ARMCX4: variants seen among roughly 807,000 people sequenced by gnomAD.
The protein encoded by ARMCX4 is armadillo repeat-containing X-linked protein 4.
A neutral mutation model predicts 34.7 loss-of-function variants in ARMCX4; 3 were observed. The observed-to-expected ratio is 0.09, with a 90% confidence interval of 0.04 to 0.22. The LOEUF is 0.22. Ranked by LOEUF, ARMCX4 falls within the 10% of genes least tolerant of loss-of-function variation. The pLI is 1.00. For synonymous variants in ARMCX4, 513 were observed against 632.8 expected, an observed-to-expected ratio of 0.81 and a Z score of 2.84; for missense variants, 1,448 against 1,720.8, an observed-to-expected ratio of 0.84 and a Z score of 2.81.
chrX:101,439,510 T>C (rs1244583284), intron 2 of ARMCX4, among the ~76,000 whole-genome samples: 1 of 111,766 alleles, frequency 8.9e-6, no homozygotes, highest in East Asian at 2.8e-4. Context: ...TTTCCTGAAT[T>C]TGAATGTTGG....
chrX:101,515,398 C>CTT (rs1556017499), intron 11 of ARMCX4, among the ~76,000 whole-genome samples: 1 of 1,149 alleles, frequency 8.7e-4, no homozygotes, highest in Non-Finnish European at 1.2e-3. Context: ...TCTTTCCCTC[C>CTT]CTCCCTCCCT....
intron 7 of ARMCX4, among the ~76,000 whole-genome samples, chrX:101,502,286 G>C (rs1374993684): frequency 2.7e-5 from 3 of 112,060 alleles, no homozygotes; most frequent in Non-Finnish European, 3.8e-5. Context: ...CTGTCACCCA[G>C]GCTGGAGTGC....
chrX:101,465,084 G>T (rs1191453814), intron 4 of ARMCX4, among the ~76,000 whole-genome samples: 2 of 111,438 alleles, frequency 1.8e-5, no homozygotes, highest in East Asian at 5.6e-4. Context: ...AAACCATTAT[G>T]CATTTCAAAA....
At chrX:101,526,861 A>G (rs1934987437) in intron 11 of ARMCX4, among the ~76,000 whole-genome samples, 1 of 111,668 alleles carries the variant, frequency 9.0e-6, no homozygotes, top group Admixed American at 9.5e-5. Flanking sequence ...AAAGAGACTT[A>G]GACTCACACA....
chrX:101,428,177 C>T (rs1248241130), intron 2 of ARMCX4, among the ~76,000 whole-genome samples: 2 of 111,941 alleles, frequency 1.8e-5, no homozygotes, highest in Non-Finnish European at 3.8e-5. Context: ...TATATCCATA[C>T]AAGGGAATAC....
At chrX:101,457,965 C>A (rs1280203456) in intron 4 of ARMCX4, among the ~76,000 whole-genome samples, 5 of 110,445 alleles carry the variant, frequency 4.5e-5, no homozygotes, top group Admixed American at 1.9e-4. Flanking sequence ...TGGTATCGAA[C>A]TCCTGACCTC....
chrX:101,491,661 A>G lies in ARMCX4; in HGVS notation c.3072A>G (p.Thr1024=). The G allele has an allele frequency of 3.5e-6, 4 of 1,155,716 alleles. No individual in the cohort carries two copies. The South Asian group carries it at 7.6e-5, about 22-fold the overall frequency. ...CTAAAGCAGGGACTGGGGCAGGCAC[A>G]AGGCACTCTGCCCAGCCTCAGATTG... The part of the protein sequence containing the change: ...AVPKAGTGAG[T]RHSAQPQIVA... Residue 1024 remains threonine, a synonymous_variant, in exon 6 of 6, where the codon ACA becomes ACG. Transcript: ENST00000423738.
In ARMCX4 at chrX:101,491,341, C is replaced by T. The variant is rs1028411484; in HGVS notation, c.2752C>T (p.Arg918Cys). 45 of 1,149,564 alleles carry T rather than the reference C, an allele frequency of 3.9e-5. No individual in the cohort carries two copies. Among genetic ancestry groups the T allele is most frequent in the African/African-American group, 7.4e-5 (4 of 54,121 alleles). 94.7% of individuals were successfully genotyped at this position (1,149,564 alleles called of 1,213,427 possible). Residue 918 changes from arginine to cysteine, a missense_variant, in exon 6 of 6, where the codon CGT (arginine) becomes TGT (cysteine). Coordinates refer to ENST00000423738, the MANE Select transcript of ARMCX4 (RefSeq NM_001256155.3). ...AQPQVVANSQ[R>C]ETLPGARNKV... ...GCCTCAGGTTGTGGCCAACTCCCAG[C>T]GTGAGACCTTGCCTGGTGCCAGGAA...
chrX:101,496,683 G>A (rs1397468139), downstream of ARMCX4, among the ~76,000 whole-genome samples: 13 of 111,253 alleles, frequency 1.2e-4, no homozygotes, highest in Non-Finnish European at 2.5e-4. Context: ...GTTAAGGTGG[G>A]GCCTTTATGG....
At chrX:101,433,948 T>A (rs1408854785) in intron 2 of ARMCX4, among the ~76,000 whole-genome samples, 1 of 100,092 alleles carries the variant, frequency 1.0e-5, no homozygotes, top group African/African-American at 3.5e-5. Flanking sequence ...GGTTATCCAC[T>A]TTTTTTTTTT....
In ARMCX4 at chrX:101,454,306, C is replaced by G. The variant is rs187987497; in HGVS notation, c.-473+8262C>G. 3.4e-3 allele frequency among the ~76,000 whole-genome samples: 362 copies of G among 105,384 alleles called. 1 individual carries two copies. Among genetic ancestry groups the G allele is most frequent in the African/African-American group, 0.012 (349 of 28,687 alleles). 91.5% of individuals were successfully genotyped at this position (105,384 alleles called of 115,157 possible). Reference sequence around the variant, plus strand: ...TTTATTTTTTTTTGAGATGGAGTCTCGCTCTGTCGCCCAGGCTGGAGTGCA... The same window carrying G: ...TTTATTTTTTTTTGAGATGGAGTCTGGCTCTGTCGCCCAGGCTGGAGTGCA... On this transcript the variant is annotated intron_variant and NMD_transcript_variant, in intron 4 of 15. Coordinates refer to the ARMCX4 transcript ENST00000433011.
At chrX:101,443,053 C>T (rs1419449219) in intron 2 of ARMCX4, among the ~76,000 whole-genome samples, 1 of 106,769 alleles carries the variant, frequency 9.4e-6, no homozygotes, top group Non-Finnish European at 1.9e-5. Context: ...ATGGCATGAA[C>T]CCAGGAGGCA....
chrX:101,468,440 C>T (rs1377911308), intron 4 of ARMCX4, among the ~76,000 whole-genome samples: 5 of 105,758 alleles, frequency 4.7e-5, no homozygotes, highest in African/African-American at 6.9e-5. Context: ...TATAGGCACG[C>T]GCCACCATGC....
At chrX:101,419,313 T>C (rs1488121889) in intron 2 of ARMCX4, 2 of 111,185 alleles carry the variant, frequency 1.8e-5, no homozygotes, top group African/African-American at 6.5e-5. Flanking sequence ...GAACTGGGAG[T>C]GGCTGCAAAT....
chrX:101,457,742 C>T (rs1932371669), intron 4 of ARMCX4, among the ~76,000 whole-genome samples: 1 of 110,061 alleles, frequency 9.1e-6, no homozygotes, highest in African/African-American at 3.3e-5. Flanking sequence ...AAACAAAACC[C>T]CCCAAACCCC....
chrX:101,465,576 G>A (rs782219151), intron 4 of ARMCX4, among the ~76,000 whole-genome samples: 11 of 111,934 alleles, frequency 9.8e-5, no homozygotes, highest in African/African-American at 3.6e-4. Context: ...GGTTACATGC[G>A]GCAGTAGTTT....
chrX:101,530,259 T>A (rs1380486660), intron 11 of ARMCX4, among the ~76,000 whole-genome samples: 2 of 111,559 alleles, frequency 1.8e-5, no homozygotes, highest in African/African-American at 6.5e-5. Context: ...CCACATGTTC[T>A]CACTCATAGG....
Position 101,488,505 on chromosome X carries a change from C to G in ARMCX4, c.-85C>G, listed in dbSNP as rs1479303296. Reference sequence around the variant, plus strand: ...GGCTGAAGACCAGCACCCTCACAGGCCTACACCCACAACTACCACTCTCTT... The same window carrying G: ...GGCTGAAGACCAGCACCCTCACAGGGCTACACCCACAACTACCACTCTCTT... On this transcript the variant is annotated 5_prime_UTR_variant, in exon 6 of 6. Transcript: ENST00000423738. The G allele has an allele frequency of 8.7e-7, 1 of 1,149,295 alleles. No homozygotes were observed. The highest frequency in any genetic ancestry group is 2.6e-5 in the Admixed American group (1 of 38,500). 94.7% of individuals were successfully genotyped at this position (1,149,295 alleles called of 1,213,427 possible).
downstream of ARMCX4, among the ~76,000 whole-genome samples, chrX:101,448,423 A>C (rs189299792): frequency 1.8e-4 from 20 of 111,940 alleles, no homozygotes; most frequent in Non-Finnish European, 1.7e-4. Flanking sequence ...TCTCCAAACT[A>C]TTCTCCATAG....
Sources: gnomAD v4.1 joint callset for allele counts (sites outside exome capture counted in the v4.1 genomes callset) on GRCh38, gnomAD v4.1.1 for gene constraint, MANE v1.5 for transcripts, NCBI Gene and HGNC (gene_info 2026-07-23, HGNC 2026-07-21) for gene names.